E2F3: variants seen among roughly 807,000 people sequenced by gnomAD.
E2F3 encodes the protein E2F transcription factor 3.
A neutral mutation model predicts 44.4 loss-of-function variants in E2F3; 11 were observed. The ratio of observed to expected loss-of-function variants is 0.25; its 90% confidence interval spans 0.16 to 0.41. The LOEUF is 0.41. Among genes scored for constraint, E2F3 ranks in the 10% least tolerant of loss-of-function variants. E2F3 has a pLI of 1.00. For missense variants in E2F3, 487 were observed against 583.6 expected (o/e 0.83, Z 1.70); for synonymous variants, 249 against 253.0 (o/e 0.98, Z 0.15).
chr6:20,449,960 T>TATGAGATAC lies in E2F3; in HGVS notation c.394-29886_394-29885insATGAGATAC, dbSNP rs746989369. On this transcript the variant is annotated intron_variant, in intron 1 of 6. Transcript: ENST00000346618. Reference sequence around the variant, plus strand: ...TGCAAAGAACACAGTCTCATTATTTTTATGGCTGCATAGTATTCCGAGGTA... The same window carrying TATGAGATAC: ...TGCAAAGAACACAGTCTCATTATTTTATGAGATACTATGGCTGCATAGTATTCCGAGGTA... Among the ~76,000 whole-genome samples, 1,050 of 152,344 alleles carry TATGAGATAC rather than the reference T, an allele frequency of 6.9e-3. 13 individuals are homozygous for TATGAGATAC. Among genetic ancestry groups the TATGAGATAC allele is most frequent in the African/African-American group, 0.024 (993 of 41,566 alleles).
chr6:20,484,624 A>G (rs1013955323), intron 4 of E2F3, among the ~76,000 whole-genome samples: 1 of 152,314 alleles, frequency 6.6e-6, no homozygotes, highest in East Asian at 1.9e-4. Flanking sequence ...AAAACCCAGA[A>G]TCCTGCAAGA....
intron 1 of E2F3, among the ~76,000 whole-genome samples, chr6:20,473,113 G>A (rs931299134): frequency 1.3e-5 from 2 of 152,208 alleles, no homozygotes; most frequent in African/African-American, 2.4e-5. Flanking sequence ...ACTGGGATCA[G>A]GAGTAGGGAG....
At chr6:20,487,363 A>G (rs933948839) in intron 5 of E2F3, among the ~76,000 whole-genome samples, 3 of 152,336 alleles carry the variant, frequency 2.0e-5, no homozygotes, top group Non-Finnish European at 4.4e-5. Flanking sequence ...ATAAAAAGAG[A>G]ATGAAAGTTA....
chr6:20,408,007 C>T (rs915566887), intron 1 of E2F3, among the ~76,000 whole-genome samples: 1 of 151,922 alleles, frequency 6.6e-6, no homozygotes, highest in Non-Finnish European at 1.5e-5. Context: ...GGGAATCTTC[C>T]CTGAATTCTT....
chr6:20,485,511 G>A (rs917945568), intron 4 of E2F3, among the ~76,000 whole-genome samples: 3 of 152,114 alleles, frequency 2.0e-5, no homozygotes, highest in Non-Finnish European at 2.9e-5. Context: ...CCCCAGAGAC[G>A]GAGGTTGCAG....
At chr6:20,426,103 T>C (rs556553048) in intron 1 of E2F3, among the ~76,000 whole-genome samples, 1 of 152,350 alleles carries the variant, frequency 6.6e-6, no homozygotes, top group African/African-American at 2.4e-5. Context: ...AATTTAAATA[T>C]CTAATACAAT....
chr6:20,480,203 G>A (rs977045553), intron 2 of E2F3, among the ~76,000 whole-genome samples: 5 of 152,040 alleles, frequency 3.3e-5, no homozygotes, highest in African/African-American at 1.2e-4. Flanking sequence ...TTTTCAACTC[G>A]GAATACGAAC....
chr6:20,473,066 C>T (rs1306595909), intron 1 of E2F3, among the ~76,000 whole-genome samples: 3 of 152,116 alleles, frequency 2.0e-5, no homozygotes, highest in Admixed American at 2.0e-4. Context: ...GAAAGGATAT[C>T]CAAGTAACTT....
In E2F3 at chr6:20,490,393, A is replaced by G; in HGVS notation, c.1361A>G (p.Glu454Gly). The G allele has an allele frequency of 6.2e-7, 1 of 1,602,598 alleles. No homozygotes were observed. The highest frequency in any genetic ancestry group is 8.5e-7 in the Non-Finnish European group (1 of 1,173,546). The part of the protein sequence containing the change: ...ISDLFDAYDL[E>G]KLPLVEDFMC... ...GATCTCTTCGATGCTTACGATTTGG[A>G]AAAGCTCCCACTGGTGGAAGACTTC... Residue 454 changes from glutamate to glycine, a missense_variant, in exon 7 of 7, where the codon GAA becomes GGA. Physicochemically the swap from Glu to Gly is moderately conservative, Grantham distance 98. Coordinates refer to ENST00000346618, the MANE Select transcript of E2F3 (RefSeq NM_001949.5). This position sits in a 1 kb window ranked among gnomAD's most constrained non-coding sequence, Gnocchi z 4.3.
intron 1 of E2F3, among the ~76,000 whole-genome samples, chr6:20,440,761 A>G (rs1760746217): frequency 6.6e-6 from 1 of 152,246 alleles, no homozygotes; most frequent in Non-Finnish European, 1.5e-5. Flanking sequence ...AGGACCAAGG[A>G]TCATAAGCCT....
chr6:20,410,521 C>G (rs1230912707), intron 1 of E2F3, among the ~76,000 whole-genome samples: 1 of 152,228 alleles, frequency 6.6e-6, no homozygotes, highest in African/African-American at 2.4e-5. Flanking sequence ...AGACCAGTGT[C>G]TGGCACGTAG....
At chr6:20,415,695 A>G (rs143884317) in intron 1 of E2F3, among the ~76,000 whole-genome samples, 2,357 of 152,320 alleles carry the variant, frequency 0.015, 19 homozygotes, top group Non-Finnish European at 0.023. Context: ...CGGATTTCTC[A>G]TAGCTGGATT....
intron 1 of E2F3, among the ~76,000 whole-genome samples, chr6:20,446,058 C>A (rs911842863): frequency 9.9e-5 from 15 of 152,274 alleles, no homozygotes; most frequent in African/African-American, 3.6e-4. Context: ...TGGGAGGAAC[C>A]CTGAGGACCC....
At chr6:20,481,496 C>A in intron 3 of E2F3, 71 bp downstream of exon 3, 1 of 1,336,276 alleles carries the variant, frequency 7.5e-7, no homozygotes, top group Non-Finnish European at 1.1e-6. Flanking sequence ...CTTAGTTCCT[C>A]ACTTTCACAT....
At chr6:20,446,592 C>T (rs1326377293) in intron 1 of E2F3, among the ~76,000 whole-genome samples, 2 of 152,168 alleles carry the variant, frequency 1.3e-5, no homozygotes, top group Admixed American at 6.5e-5. Flanking sequence ...CAGAGTCTTG[C>T]TGTGTCACCC....
At chr6:20,421,082 A>C (rs1760011833) in intron 1 of E2F3, among the ~76,000 whole-genome samples, 1 of 152,230 alleles carries the variant, frequency 6.6e-6, no homozygotes, top group Admixed American at 6.5e-5. Flanking sequence ...CATCTATTCA[A>C]GTTTGAACAT....
Position 20,488,696 on chromosome 6 carries a change from C to T in E2F3, c.1135+448C>T, listed in dbSNP as rs1053813915. Among the ~76,000 whole-genome samples the T allele has an allele frequency of 2.0e-5, 3 of 152,074 alleles. No individual in the cohort carries two copies. The South Asian group carries it at 6.2e-4, about 32-fold the overall frequency. On this transcript the variant is annotated intron_variant, in intron 6 of 6. Coordinates refer to ENST00000346618, the MANE Select transcript of E2F3 (RefSeq NM_001949.5). ...ATGGGGAGAGGATATGGGAGGAGAA[C>T]GCTAGGAAAGTAAGTCTTGCCGGGT...
chr6:20,435,969 T>C (rs910764812), intron 1 of E2F3, among the ~76,000 whole-genome samples: 1 of 91,256 alleles, frequency 1.1e-5, no homozygotes, highest in East Asian at 4.5e-4. Context: ...CATTAAAGAA[T>C]TGTCCTTTTT....
chr6:20,480,062 T>C, intron 2 of E2F3, 105 bp downstream of exon 2: 1 of 1,454,900 alleles, frequency 6.9e-7, no homozygotes, highest in East Asian at 2.5e-5. Context: ...TCTGGCATGT[T>C]TTGTTCTTTT....
Sources: gnomAD v4.1 joint callset for allele counts (sites outside exome capture counted in the v4.1 genomes callset) on GRCh38, gnomAD v4.1.1 for gene constraint, Gnocchi (gnomAD v3.1) non-coding constraint, MANE v1.5 for transcripts, NCBI Gene and HGNC (gene_info 2026-07-23, HGNC 2026-07-21) for gene names.